Variants in MSRB3 observed in about 807,000 individuals in gnomAD.
The protein encoded by MSRB3 is methionine sulfoxide reductase B3, also known as methionine-R-sulfoxide reductase B3.
In MSRB3, 13 loss-of-function variants were observed where a neutral mutation model predicts 21.0. The observed-to-expected ratio is 0.62, with a 90% CI of 0.40 to 0.98. The LOEUF is 0.98. Ranked by LOEUF, MSRB3 falls within the 50% of genes least tolerant of loss-of-function variation. The pLI, the probability that MSRB3 is intolerant of heterozygous loss-of-function variation, is 0.00. For synonymous variants in MSRB3, 87 were observed against 88.6 expected, an observed-to-expected ratio of 0.98 and a Z score of 0.10; for missense variants, 199 against 230.3, an observed-to-expected ratio of 0.86 and a Z score of 0.88.
chr12:65,435,087 A>G (rs1429874173), intron 5 of MSRB3, among the ~76,000 whole-genome samples: 1 of 151,908 alleles, frequency 6.6e-6, no homozygotes, highest in African/African-American at 2.4e-5. Flanking sequence ...TAGGAGTACC[A>G]CATATGTGCT....
intron 5 of MSRB3, among the ~76,000 whole-genome samples, chr12:65,371,786 T>A (rs1878342162): frequency 6.6e-6 from 1 of 152,230 alleles, no homozygotes; most frequent in African/African-American, 2.4e-5. Context: ...ATTTGTTGAA[T>A]GTATACCAAA....
intron 5 of MSRB3, among the ~76,000 whole-genome samples, chr12:65,407,661 CCTT>C (rs1880488588): frequency 1.3e-5 from 2 of 152,102 alleles, no homozygotes; most frequent in South Asian, 4.1e-4. Context: ...TTTGTCTTCT[CCTT>C]CTGCTATTCC....
intron 2 of MSRB3, among the ~76,000 whole-genome samples, chr12:65,309,980 AT>A (rs1448666655): frequency 1.3e-5 from 2 of 152,178 alleles, no homozygotes; most frequent in Non-Finnish European, 2.9e-5. Context: ...ACATGACTTC[AT>A]TTGCATTTTA....
At chr12:65,296,093 A>G (rs1442488623) in intron 1 of MSRB3, among the ~76,000 whole-genome samples, 2 of 152,254 alleles carry the variant, frequency 1.3e-5, no homozygotes, top group Non-Finnish European at 2.9e-5. Flanking sequence ...ATGCATACAC[A>G]AAGTTACATC....
chr12:65,382,921 C>A (rs1565865794), intron 5 of MSRB3, among the ~76,000 whole-genome samples: 1 of 151,796 alleles, frequency 6.6e-6, no homozygotes, highest in Non-Finnish European at 1.5e-5. Flanking sequence ...AATTTCCTCC[C>A]AAACGTTTTA....
intron 4 of MSRB3, among the ~76,000 whole-genome samples, chr12:65,351,732 C>T (rs946250548): frequency 1.3e-4 from 19 of 150,986 alleles, no homozygotes; most frequent in Admixed American, 3.3e-4. Flanking sequence ...ATAAATTCCT[C>T]GACACATACA....
At chr12:65,437,485 A>G (rs372378195) in intron 5 of MSRB3, among the ~76,000 whole-genome samples, 7 of 151,884 alleles carry the variant, frequency 4.6e-5, no homozygotes, top group East Asian at 1.9e-4. Flanking sequence ...CTTTTGGATT[A>G]TATTAATAAC....
chr12:65,368,931 C>A lies in MSRB3; in HGVS notation c.264-67C>A, dbSNP rs948199158. On this transcript the variant is annotated intron_variant, in intron 4 of 6. Coordinates refer to ENST00000308259, the MANE Select transcript of MSRB3 (RefSeq NM_001031679.3). Reference sequence around the variant, plus strand: ...CCTCCCCTCCCAACCACACCCCCCCCCCCCATGAAATAATTGTTCTTTTAC... The same window carrying A: ...CCTCCCCTCCCAACCACACCCCCCCACCCCATGAAATAATTGTTCTTTTAC... 5.1e-5 allele frequency: 33 copies of A among 641,276 alleles called. 4 individuals are homozygous for A. The highest frequency in any genetic ancestry group is 2.7e-4 in the Middle Eastern group (1 of 3,690). The allele number at this position is 641,276 out of a possible 1,614,324, so 39.7% of individuals were successfully genotyped here.
chr12:65,296,193 A>G lies in MSRB3; in HGVS notation c.-51-12336A>G, dbSNP rs116035243. ...TGATTTCTCTGACAGTTGCTAAAAC[A>G]TAATTGTTGAAATGGAAAAAGTAAT... On this transcript the variant is annotated intron_variant, in intron 1 of 6. Coordinates refer to ENST00000308259, the MANE Select transcript of MSRB3 (RefSeq NM_001031679.3). Among the ~76,000 whole-genome samples the G allele has an allele frequency of 8.2e-3, 1,246 of 152,358 alleles. 18 individuals are homozygous for G. Among genetic ancestry groups the G allele is most frequent in the African/African-American group, 0.029 (1,203 of 41,582 alleles).
At chr12:65,360,535 T>C (rs1877640901) in intron 4 of MSRB3, among the ~76,000 whole-genome samples, 1 of 152,172 alleles carries the variant, frequency 6.6e-6, no homozygotes. Context: ...ATTCTCTATC[T>C]GTAGGTTTGA....
At chr12:65,424,269 A>T (rs959878689) in intron 5 of MSRB3, among the ~76,000 whole-genome samples, 7 of 151,814 alleles carry the variant, frequency 4.6e-5, no homozygotes, top group African/African-American at 1.7e-4. Context: ...TAAAAAACCA[A>T]CTTGGTTTCA....
intron 4 of MSRB3, among the ~76,000 whole-genome samples, chr12:65,357,654 G>C (rs981874108): frequency 1.8e-4 from 28 of 151,838 alleles, no homozygotes; most frequent in African/African-American, 6.8e-4. Context: ...TCTCTTGGCT[G>C]TGACAGTTTC....
chr12:65,366,688 C>T (rs996400050), intron 4 of MSRB3, among the ~76,000 whole-genome samples: 1 of 152,034 alleles, frequency 6.6e-6, no homozygotes, highest in African/African-American at 2.4e-5. Context: ...TGATGAGTGC[C>T]ATTTAAGGCC....
In MSRB3 at chr12:65,463,119, C is replaced by T. The variant is rs61921506; in HGVS notation, c.391-36C>T. On this transcript the variant is annotated intron_variant, in intron 6 of 6. Transcript: ENST00000308259. ...AATTCCTCTCAAAGCCTGCTTTGTACATGCTTTTCCCTGACGTTTTGTTCT... is the reference window on the plus strand; with the variant it reads ...AATTCCTCTCAAAGCCTGCTTTGTATATGCTTTTCCCTGACGTTTTGTTCT... 0.42 allele frequency: 680,319 copies of T among 1,612,668 alleles called. 148,225 individuals are homozygous for T. The highest frequency in any genetic ancestry group is 0.52 in the Middle Eastern group (2,846 of 5,460).
intron 5 of MSRB3, among the ~76,000 whole-genome samples, chr12:65,382,733 A>G (rs1879004139): frequency 6.6e-6 from 1 of 151,674 alleles, no homozygotes; most frequent in Non-Finnish European, 1.5e-5. Context: ...GTACTAATAT[A>G]TTTATTTTTT....
intron 5 of MSRB3, among the ~76,000 whole-genome samples, chr12:65,420,431 T>C (rs1009957938): frequency 8.6e-5 from 13 of 151,956 alleles, no homozygotes; most frequent in African/African-American, 3.1e-4. Context: ...CTGTTTAATA[T>C]GTCACTGGAA....
intron 1 of MSRB3, chr12:65,281,556 A>G (rs1872021271): frequency 6.6e-6 from 1 of 152,254 alleles, no homozygotes; most frequent in African/African-American, 2.4e-5. Flanking sequence ...GCACAAAGAT[A>G]CATACATACC....
At chr12:65,290,554 G>C (rs778661778) in intron 1 of MSRB3, among the ~76,000 whole-genome samples, 1 of 152,110 alleles carries the variant, frequency 6.6e-6, no homozygotes, top group African/African-American at 2.4e-5. Context: ...TGTTCTACAG[G>C]TCTTTTAAAA....
chr12:65,279,714 CAT>C (rs1459728496), intron 1 of MSRB3, among the ~76,000 whole-genome samples: 7 of 152,094 alleles, frequency 4.6e-5, no homozygotes, highest in Non-Finnish European at 1.0e-4. Flanking sequence ...CTTCTTGAAT[CAT>C]GTGGGAACTG....
Sources: gnomAD v4.1 joint callset for allele counts (sites outside exome capture counted in the v4.1 genomes callset) on GRCh38, gnomAD v4.1.1 for gene constraint, MANE v1.5 for transcripts, NCBI Gene and HGNC (gene_info 2026-07-23, HGNC 2026-07-21) for gene names.